The following NEK6 variants were observed in gnomAD, a reference collection of about 807,000 sequenced individuals.
NEK6 encodes the protein NIMA related kinase 6, also known as serine/threonine-protein kinase Nek6.
Under a neutral mutation model 43.5 loss-of-function variants are expected in NEK6, and 27 were observed. That is an observed-to-expected ratio of 0.62 (90% confidence interval 0.46 to 0.86). The LOEUF is 0.86. NEK6 is among the 40% of genes least tolerant of loss of function. The probability of loss-of-function intolerance (pLI) is 0.00; values close to 1 mark genes in which losing one functional copy is unlikely to be tolerated. For missense variants in NEK6, 318 were observed against 414.4 expected (o/e 0.77, Z 2.02); for synonymous variants, 167 against 164.1 (o/e 1.02, Z -0.14).
At chr9:124,335,502 G>C (rs1829242898) in intron 7 of NEK6, among the ~76,000 whole-genome samples, 1 of 152,252 alleles carries the variant, frequency 6.6e-6, no homozygotes, top group Admixed American at 6.5e-5. Flanking sequence ...TTGGTATCCT[G>C]ATGAAGCAAT....
intron 1 of NEK6, among the ~76,000 whole-genome samples, chr9:124,293,730 C>T (rs1832539035): frequency 6.6e-6 from 1 of 152,188 alleles, no homozygotes; most frequent in African/African-American, 2.4e-5. Context: ...TTCATTCTGC[C>T]AACGCCCCCT....
chr9:124,281,408 A>G (rs1831898272), intron 1 of NEK6, among the ~76,000 whole-genome samples: 5 of 151,412 alleles, frequency 3.3e-5, no homozygotes, highest in Admixed American at 3.3e-4. Context: ...GGCCGTGTGA[A>G]GTCTTCCGCG....
chr9:124,300,395 G>A (rs1050491931), intron 1 of NEK6, among the ~76,000 whole-genome samples: 4 of 152,134 alleles, frequency 2.6e-5, no homozygotes, highest in African/African-American at 4.8e-5. Context: ...TAATGGGGGC[G>A]TGGGTCTACC....
At chr9:124,267,191 A>G (rs1320689394) in intron 1 of NEK6, among the ~76,000 whole-genome samples, 2 of 152,264 alleles carry the variant, frequency 1.3e-5, no homozygotes, top group Non-Finnish European at 2.9e-5. Context: ...ATTACACCCC[A>G]TCTTAGAAAG....
chr9:124,264,344 G>GGA (rs1831144308), intron 1 of NEK6, among the ~76,000 whole-genome samples: 1 of 152,190 alleles, frequency 6.6e-6, no homozygotes, highest in African/African-American at 2.4e-5. Flanking sequence ...CCTCATGCAA[G>GGA]GAGGGCTTCA....
At chr9:124,284,021 C>T (rs945997072) in intron 1 of NEK6, among the ~76,000 whole-genome samples, 1 of 152,232 alleles carries the variant, frequency 6.6e-6, no homozygotes, top group African/African-American at 2.4e-5. Context: ...CATGTGACGC[C>T]TCTGCTGTGT....
chr9:124,300,712 C>T (rs1036351897), intron 1 of NEK6, among the ~76,000 whole-genome samples: 1 of 152,180 alleles, frequency 6.6e-6, no homozygotes, highest in Admixed American at 6.5e-5. Context: ...CTCTAGGATA[C>T]GAGTCACATC....
At chr9:124,304,260 G>C (rs1833144935) in intron 2 of NEK6, among the ~76,000 whole-genome samples, 1 of 152,260 alleles carries the variant, frequency 6.6e-6, no homozygotes, top group South Asian at 2.1e-4. Flanking sequence ...TGTCTCGCCT[G>C]TTTCAGGACA....
intron 3 of NEK6, among the ~76,000 whole-genome samples, chr9:124,312,959 A>G (rs1833612022): frequency 6.6e-6 from 1 of 152,194 alleles, no homozygotes; most frequent in Non-Finnish European, 1.5e-5. Flanking sequence ...GGAAAATCTC[A>G]TAACCGCCAG....
intron 1 of NEK6, among the ~76,000 whole-genome samples, chr9:124,261,888 T>C (rs1289605694): frequency 6.6e-6 from 1 of 152,220 alleles, no homozygotes; most frequent in East Asian, 1.9e-4. Context: ...CTGGCATTGA[T>C]GGATTTTTCT....
intron 1 of NEK6, among the ~76,000 whole-genome samples, chr9:124,267,213 G>C (rs968259581): frequency 3.9e-5 from 6 of 152,372 alleles, no homozygotes; most frequent in South Asian, 2.1e-4. Flanking sequence ...AGGAAACCCA[G>C]CATTGAAAGA....
In NEK6 at chr9:124,350,908, G is replaced by A. The variant is rs750833099; in HGVS notation, c.903G>A (p.Gln301=). Residue 301 remains glutamine, a synonymous_variant, in exon 10 of 10, where the codon CAG becomes CAA. Coordinates refer to ENST00000320246, the MANE Select transcript of NEK6 (RefSeq NM_014397.6). ...HQRPDIGYVH[Q]VAKQMHIWMS... is the part of the protein sequence containing the mutation. ...GACCTGACATCGGATACGTGCACCAGGTGGCCAAGCAGATGCACATCTGGA... is the reference window on the plus strand; with the variant it reads ...GACCTGACATCGGATACGTGCACCAAGTGGCCAAGCAGATGCACATCTGGA... 3 of 1,611,334 alleles carry A rather than the reference G, an allele frequency of 1.9e-6. No homozygotes were observed. The highest frequency in any genetic ancestry group is 2.5e-6 in the Non-Finnish European group (3 of 1,179,960).
chr9:124,270,330 G>C (rs1436557954), intron 1 of NEK6, among the ~76,000 whole-genome samples: 2 of 152,168 alleles, frequency 1.3e-5, no homozygotes, highest in Non-Finnish European at 2.9e-5. Context: ...GAGTGTCCAA[G>C]AAGCCTCTTG....
At chr9:124,322,105 T>C (rs146039807) in intron 5 of NEK6, among the ~76,000 whole-genome samples, 2 of 152,272 alleles carry the variant, frequency 1.3e-5, no homozygotes, top group African/African-American at 4.8e-5. Flanking sequence ...TACCCAGCAT[T>C]GTGGGTACAG....
At chr9:124,265,137 T>A (rs1049460590) in intron 1 of NEK6, among the ~76,000 whole-genome samples, 1 of 152,188 alleles carries the variant, frequency 6.6e-6, no homozygotes, top group Non-Finnish European at 1.5e-5. Context: ...TGGAACCGGA[T>A]GAAGGTGGTG....
intron 1 of NEK6, chr9:124,258,352 CGTT>C: frequency 1.0e-6 from 1 of 984,860 alleles, no homozygotes; most frequent in Non-Finnish European, 1.2e-6. Flanking sequence ...CGTCTGGTGG[CGTT>C]GTTGGGGTGA....
intron 3 of NEK6, 121 bp downstream of exon 3, chr9:124,312,770 C>A: frequency 1.0e-6 from 1 of 1,000,698 alleles, no homozygotes; most frequent in South Asian, 1.7e-5. Flanking sequence ...CAGCACTCAA[C>A]TCACTGGGTT....
At chr9:124,291,896 T>G in intron 1 of NEK6, 5 of 985,628 alleles carry the variant, frequency 5.1e-6, no homozygotes, top group Non-Finnish European at 6.0e-6. Flanking sequence ...TGGGGGAGTT[T>G]CCTTTTGGCG....
At chr9:124,292,293 C>T (rs1832460577) in intron 1 of NEK6, 2 of 1,350,136 alleles carry the variant, frequency 1.5e-6, no homozygotes, top group Non-Finnish European at 2.0e-6. Flanking sequence ...CCTGACAGGA[C>T]CTTTGCCACT....
Sources: gnomAD v4.1 joint callset for allele counts (sites outside exome capture counted in the v4.1 genomes callset) on GRCh38, gnomAD v4.1.1 for gene constraint, MANE v1.5 for transcripts, NCBI Gene and HGNC (gene_info 2026-07-23, HGNC 2026-07-21) for gene names.